The following CDC42 variants were observed in gnomAD, a reference collection of about 807,000 sequenced individuals.
The protein encoded by CDC42 is cell division cycle 42, also known as cell division control protein 42 homolog.
A neutral mutation model predicts 20.8 loss-of-function variants in CDC42; 1 was observed. The ratio of observed to expected loss-of-function variants is 0.05; its 90% CI spans 0.02 to 0.23. CDC42 has a LOEUF of 0.23. CDC42 is among the 10% of genes least tolerant of loss of function. The pLI, the probability that CDC42 is intolerant of heterozygous loss-of-function variation, is 1.00. For synonymous variants in CDC42, 72 were observed against 84.8 expected (o/e 0.85, Z 0.83); for missense variants, 49 against 227.9 (o/e 0.21, Z 5.05).
chr1:22,057,367 C>G (rs1299388479), intron 1 of CDC42, among the ~76,000 whole-genome samples: 1 of 152,192 alleles, frequency 6.6e-6, no homozygotes, highest in Non-Finnish European at 1.5e-5. Context: ...CCGGACTAAT[C>G]TGATGAATCC....
At chr1:22,090,682 T>G in intron 5 of CDC42, 5 of 985,448 alleles carry the variant, frequency 5.1e-6, no homozygotes, top group Non-Finnish European at 6.0e-6. Context: ...ACTTACAGTT[T>G]GTTAATGCTG....
chr1:22,090,017 G>A, intron 5 of CDC42: 1 of 1,613,978 alleles, frequency 6.2e-7, no homozygotes, highest in Non-Finnish European at 8.5e-7. Context: ...CCAAAAGGAA[G>A]TGCTGTATAT....
At position 22,081,802 on chromosome 1, in the gene CDC42, C is replaced by G. The variant is rs759963199; in HGVS notation, c.178+8C>G. On this transcript the variant is annotated splice_region_variant and intron_variant, in intron 3 of 5. Coordinates refer to ENST00000656825, the MANE Select transcript of CDC42 (RefSeq NM_001791.4). ...GACTTTTTGATACTGCAGGTGAAAA[C>G]TTAATGTCTTTTATACTGTTTTGAT... 6.4e-7 allele frequency: 1 copy of G among 1,558,280 alleles called. No individual in the cohort carries two copies. Among genetic ancestry groups the G allele is most frequent in the Admixed American group, 1.7e-5 (1 of 59,774 alleles).
chr1:22,080,584 A>G (rs929432049), intron 2 of CDC42, among the ~76,000 whole-genome samples: 2 of 150,056 alleles, frequency 1.3e-5, no homozygotes, highest in African/African-American at 2.4e-5. Flanking sequence ...CTTTTTATAG[A>G]TATCATTTAA....
intron 2 of CDC42, among the ~76,000 whole-genome samples, chr1:22,080,952 T>C (rs1645601134): frequency 6.6e-6 from 1 of 152,102 alleles, no homozygotes. Context: ...AGGTGGATCA[T>C]GAGGTCAGGA....
At chr1:22,081,683 T>G (rs374060866) in intron 2 of CDC42, 39 bp from the exon 3 acceptor site, 12 of 1,296,782 alleles carry the variant, frequency 9.3e-6, no homozygotes, top group Non-Finnish European at 1.3e-5. Context: ...TTTAACTCTC[T>G]CCTTGCACAC....
At chr1:22,059,074 C>T (rs1645334998) in intron 1 of CDC42, 1 of 151,876 alleles carries the variant, frequency 6.6e-6, no homozygotes. Flanking sequence ...GACCTCCCAC[C>T]TTGGCCTCCC....
intron 1 of CDC42, among the ~76,000 whole-genome samples, chr1:22,072,349 G>A (rs772470300): frequency 1.3e-5 from 2 of 151,690 alleles, no homozygotes; most frequent in Non-Finnish European, 2.9e-5. Flanking sequence ...TGCCCGCCTC[G>A]GCCTCCCAAA....
In CDC42 at chr1:22,091,687, C is replaced by G. The variant is rs914414020; in HGVS notation, c.*170C>G. 16 of 410,920 alleles carry G rather than the reference C, an allele frequency of 3.9e-5. No individual in the cohort carries two copies. Among genetic ancestry groups the G allele is most frequent in the Non-Finnish European group, 6.9e-5 (16 of 231,204 alleles). The allele number at this position is 410,920 out of a possible 1,614,324, so 25.5% of individuals were successfully genotyped here. ...ACAAGGCCCATAGGTATGGCCCCCC[C>G]CTTCCCCCTCCCAGTACTAGTTAAT... On this transcript the variant is annotated 3_prime_UTR_variant, in exon 6 of 6. Transcript: ENST00000656825.
At chr1:22,073,493 C>T (rs903307674) in intron 1 of CDC42, among the ~76,000 whole-genome samples, 1 of 150,918 alleles carries the variant, frequency 6.6e-6, no homozygotes, top group South Asian at 2.1e-4. Context: ...GAGCCGAGAT[C>T]ACGCCATTGC....
In CDC42 at chr1:22,083,637, G is replaced by C. The variant is rs1645631045; in HGVS notation, c.178+1843G>C. Among the ~76,000 whole-genome samples the C allele has an allele frequency of 2.0e-5, 3 of 152,098 alleles. No homozygotes were observed. In the South Asian group the frequency reaches 6.2e-4, roughly 32 times the overall value. On this transcript the variant is annotated intron_variant, in intron 3 of 5. Coordinates refer to ENST00000656825, the MANE Select transcript of CDC42 (RefSeq NM_001791.4). ...AAAAAAATCGTTTTAAGTGTTCAGT[G>C]TGATGCATTTTGCTGACCCTCCACC... is the stretch of plus-strand genomic sequence containing the variant.
intron 1 of CDC42, among the ~76,000 whole-genome samples, chr1:22,065,663 G>C (rs1645414545): frequency 6.6e-6 from 1 of 150,654 alleles, no homozygotes; most frequent in Non-Finnish European, 1.5e-5. Flanking sequence ...TTGTAGACGA[G>C]AAAGTTAAGG....
intron 1 of CDC42, among the ~76,000 whole-genome samples, chr1:22,074,982 C>CT (rs1243341738): frequency 3.9e-5 from 6 of 151,934 alleles, no homozygotes; most frequent in Non-Finnish European, 5.9e-5. Context: ...CTTCAGGCTG[C>CT]TTTTTTTTGT....
intron 1 of CDC42, among the ~76,000 whole-genome samples, chr1:22,075,187 G>C (rs1645534714): frequency 1.3e-5 from 2 of 152,206 alleles, no homozygotes; most frequent in Admixed American, 6.5e-5. Context: ...GCCTAGTGCA[G>C]GAGATTAGTC....
chr1:22,068,144 A>G (rs1645444851), intron 1 of CDC42, among the ~76,000 whole-genome samples: 1 of 152,224 alleles, frequency 6.6e-6, no homozygotes, highest in African/African-American at 2.4e-5. Flanking sequence ...AAATCCACTC[A>G]GTACCATTTA....
In CDC42 at chr1:22,094,977, G is replaced by A. The variant is rs534443389; in HGVS notation, c.*3460G>A. 3.3e-5 allele frequency among the ~76,000 whole-genome samples: 5 copies of A among 152,176 alleles called. No individual in the cohort carries two copies. The highest frequency in any genetic ancestry group is 2.1e-4 in the South Asian group (1 of 4,824). On this transcript the variant is annotated 3_prime_UTR_variant, in exon 6 of 6. Coordinates refer to ENST00000656825, the MANE Select transcript of CDC42 (RefSeq NM_001791.4). ...TTTGGTGCTGGGTGCTAAGAAACTC[G>A]CAAAACAAGGGCCCTGCTCAAGAAG... is the stretch of plus-strand genomic sequence containing the variant.
Position 22,093,221 on chromosome 1 carries a change from A to G in CDC42, c.*1704A>G, listed in dbSNP as rs1645733493. Among the ~76,000 whole-genome samples the G allele has an allele frequency of 6.6e-6, 1 of 152,210 alleles. No homozygotes were observed. Among genetic ancestry groups the G allele is most frequent in the Admixed American group, 6.5e-5 (1 of 15,280 alleles). On this transcript the variant is annotated 3_prime_UTR_variant, in exon 6 of 6. Transcript: ENST00000656825. ...GCAGTGTTCAGGAAGCTCACTGCTC[A>G]TGGTGGAAGGAAATGTCAGTGTACC... is the stretch of plus-strand genomic sequence containing the variant.
At chr1:22,057,425 C>T (rs1019708687) in intron 1 of CDC42, among the ~76,000 whole-genome samples, 2 of 152,216 alleles carry the variant, frequency 1.3e-5, no homozygotes, top group African/African-American at 4.8e-5. Flanking sequence ...GCTCTTGTTG[C>T]CCAGGCTGGA....
Position 22,081,889 on chromosome 1 carries a change from A to G in CDC42, c.178+95A>G, listed in dbSNP as rs1645611616. ...TTTTGAGAAACTAGCACATGAGCAA[A>G]GTACTTGCCTTTTGTTATTAGTTAG... is the stretch of plus-strand genomic sequence containing the variant. On this transcript the variant is annotated intron_variant, in intron 3 of 5. Coordinates refer to ENST00000656825, the MANE Select transcript of CDC42 (RefSeq NM_001791.4). 2.1e-5 allele frequency: 16 copies of G among 770,188 alleles called. No individual in the cohort carries two copies. In the South Asian group the frequency reaches 2.5e-4, roughly 12 times the overall value. 47.7% of individuals were successfully genotyped at this position (770,188 alleles called of 1,614,324 possible).
Sources: allele counts gnomAD v4.1 joint callset (sites outside exome capture counted in the v4.1 genomes callset), GRCh38; gene constraint gnomAD v4.1.1; transcripts MANE v1.5; gene names NCBI Gene and HGNC (gene_info 2026-07-23, HGNC 2026-07-21).